ZNF117: variants seen among roughly 807,000 people sequenced by gnomAD.
ZNF117 encodes zinc finger protein 117.
ZNF117 carries 37 observed loss-of-function variants against 41.2 expected under a neutral mutation model. That is an observed-to-expected ratio of 0.90 (90% CI 0.69 to 1.18). The LOEUF (loss-of-function observed/expected upper bound fraction) is 1.18, where lower values mean the gene tolerates loss of function less well. ZNF117 is among the 50% of genes most tolerant of loss of function. The pLI, the probability that ZNF117 is intolerant of heterozygous loss-of-function variation, is 0.00. For synonymous variants in ZNF117, 186 were observed against 186.6 expected, an observed-to-expected ratio of 1.00 and a Z score of 0.02; for missense variants, 546 against 557.5, an observed-to-expected ratio of 0.98 and a Z score of 0.21.
upstream of ZNF117, among the ~76,000 whole-genome samples, chr7:64,985,264 C>G (rs1395036257): frequency 6.6e-6 from 1 of 152,212 alleles, no homozygotes; most frequent in Non-Finnish European, 1.5e-5. Context: ...ACTACAGACT[C>G]CACTGTTCAG....
upstream of ZNF117, among the ~76,000 whole-genome samples, chr7:64,984,774 T>C (rs967722781): frequency 2.0e-5 from 3 of 152,124 alleles, no homozygotes; most frequent in African/African-American, 7.2e-5. Context: ...TTCAAAAGTA[T>C]GAATATAACA....
intron 2 of ZNF117, chr7:64,980,694 T>C (rs535212608): frequency 2.0e-5 from 3 of 152,160 alleles, no homozygotes; most frequent in Admixed American, 6.5e-5. Context: ...ATGTTATTTA[T>C]AAGCATAGTC....
At chr7:64,986,050 G>A (rs547754455), upstream of ZNF117, among the ~76,000 whole-genome samples, 2 of 151,290 alleles carry the variant, frequency 1.3e-5, no homozygotes, top group Admixed American at 1.3e-4. Flanking sequence ...CACTATAACA[G>A]CCAGGTCTCT....
chr7:64,978,973 T>G (rs1274297385), exon 3 of ZNF117: 1 of 1,613,454 alleles, frequency 6.2e-7, no homozygotes, highest in Non-Finnish European at 8.5e-7. Flanking sequence ...TTAAAGGCTT[T>G]GCCACATTCT....
chr7:64,982,757 G>C (rs1325254435), upstream of ZNF117, among the ~76,000 whole-genome samples: 4 of 152,150 alleles, frequency 2.6e-5, no homozygotes, highest in African/African-American at 9.7e-5. Flanking sequence ...AAAGGCAGCT[G>C]CCAGATTAAA....
In ZNF117 at chr7:64,979,136, G is replaced by C. The variant is rs769656884; in HGVS notation, c.435C>G (p.Ala145=). 1.9e-6 allele frequency: 3 copies of C among 1,609,984 alleles called. No homozygotes were observed. The Admixed American group carries it at 5.0e-5, about 27-fold the overall frequency. ...TATTAAGGGTTGAGGACCAGTTAAA[G>C]GCTCTTCCATATGCTTCACATTTGT... The change falls in exon 3 of 3, where the codon GCC becomes GCG. Residue 145 remains alanine, a synonymous_variant. Transcript: ENST00000620222.
exon 3 of ZNF117, chr7:64,978,203 T>C (rs756645852): frequency 1.2e-5 from 20 of 1,611,650 alleles, no homozygotes; most frequent in Admixed American, 1.2e-4. Flanking sequence ...GTGTTGAAGA[T>C]TGGTTAAAAG....
In ZNF117 at chr7:64,981,488, T is replaced by C; in HGVS notation, c.-62-6A>G. 1 of 1,565,924 alleles carries C rather than the reference T, an allele frequency of 6.4e-7. No homozygotes were observed. On this transcript the variant is annotated splice_polypyrimidine_tract_variant and splice_region_variant and intron_variant, in intron 1 of 2. Transcript: ENST00000620222. The stretch of plus-strand genomic sequence containing the variant: ...TGGCTTAGAGACAGCAATACCTGTT[T>C]TATTGAAAATAAATAACATAAATCT...
upstream of ZNF117, among the ~76,000 whole-genome samples, chr7:64,984,818 T>C (rs549465078): frequency 3.4e-4 from 52 of 152,346 alleles, 1 homozygote; most frequent in South Asian, 0.011. Flanking sequence ...TTTGAAACAG[T>C]CTCGCTCTAT....
chr7:64,985,090 C>T (rs1254693473), upstream of ZNF117, among the ~76,000 whole-genome samples: 1 of 152,170 alleles, frequency 6.6e-6, no homozygotes, highest in African/African-American at 2.4e-5. Context: ...CCACGCCCGG[C>T]CGAATATAAC....
downstream of ZNF117, chr7:64,971,865 G>A (rs1452368426): frequency 6.6e-6 from 1 of 151,966 alleles, no homozygotes; most frequent in Non-Finnish European, 1.5e-5. Context: ...TTAAAAAGCT[G>A]CTTCATGGAA....
At chr7:64,986,534 G>C (rs1786138860), upstream of ZNF117, among the ~76,000 whole-genome samples, 1 of 152,164 alleles carries the variant, frequency 6.6e-6, no homozygotes, top group African/African-American at 2.4e-5. Flanking sequence ...ATGTCTGGTG[G>C]AACGTGTAAA....
At chr7:64,985,946 A>G (rs1387982683), upstream of ZNF117, among the ~76,000 whole-genome samples, 13 of 48,082 alleles carry the variant, frequency 2.7e-4, no homozygotes, top group African/African-American at 1.1e-3. Flanking sequence ...GTGAGACTCC[A>G]TCTCAAAAAA....
chr7:64,978,229 C>T lies in ZNF117; in HGVS notation c.1342G>A (p.Glu448Lys), dbSNP rs771468954. The T allele has an allele frequency of 8.7e-6, 14 of 1,613,136 alleles. No individual in the cohort carries two copies. The highest frequency in any genetic ancestry group is 1.1e-5 in the Non-Finnish European group (13 of 1,179,696). The change falls in exon 3 of 3, where the codon GAA (glutamate) becomes AAA (lysine). Residue 448 changes from glutamate (E) to lysine (K), a missense_variant. By Grantham distance (56) the Glu-to-Lys change is moderately conservative. Transcript: ENST00000620222. ...TGGTTAAAAGCTTTGCCACATTCTTCACATTTGTAGGGTTTCTCTCCAGTA... is the reference window on the plus strand; with the variant it reads ...TGGTTAAAAGCTTTGCCACATTCTTTACATTTGTAGGGTTTCTCTCCAGTA...
intron 1 of ZNF117, among the ~76,000 whole-genome samples, chr7:64,989,673 A>G (rs968827272): frequency 5.3e-5 from 8 of 151,456 alleles, no homozygotes; most frequent in African/African-American, 1.7e-4. Flanking sequence ...CTGAATAAAC[A>G]GACAACCTAC....
chr7:64,972,448 A>C (rs527743753), downstream of ZNF117: 1 of 152,106 alleles, frequency 6.6e-6, no homozygotes, highest in Non-Finnish European at 1.5e-5. Flanking sequence ...TACACAATGG[A>C]ATACTCTTCG....
At chr7:64,989,432 AG>A (rs1380209246) in intron 1 of ZNF117, among the ~76,000 whole-genome samples, 1 of 128,614 alleles carries the variant, frequency 7.8e-6, no homozygotes, top group Non-Finnish European at 1.6e-5. Context: ...ACTTAAATGT[AG>A]AACTTAAAAT....
downstream of ZNF117, chr7:64,973,881 A>G (rs372476161): frequency 6.6e-6 from 1 of 151,978 alleles, no homozygotes; most frequent in South Asian, 2.1e-4. Flanking sequence ...TTATTTCTTC[A>G]CTATTGGTAT....
upstream of ZNF117, among the ~76,000 whole-genome samples, chr7:64,985,926 G>A (rs2129120425): frequency 7.5e-6 from 1 of 133,840 alleles, no homozygotes; most frequent in South Asian, 2.4e-4. Context: ...ACTCCAGCCT[G>A]GGCAACCAGG....
Sources: gnomAD v4.1 joint callset for allele counts (sites outside exome capture counted in the v4.1 genomes callset) on GRCh38, gnomAD v4.1.1 for gene constraint, MANE v1.5 for transcripts, NCBI Gene and HGNC (gene_info 2026-07-23, HGNC 2026-07-21) for gene names.